RPS6KA2: variants seen among roughly 807,000 people sequenced by gnomAD.
RPS6KA2 encodes ribosomal protein S6 kinase A2.
In RPS6KA2, 42 loss-of-function variants were observed where a neutral mutation model predicts 91.8. That is an observed-to-expected ratio of 0.46 (90% confidence interval 0.36 to 0.59). The LOEUF (loss-of-function observed/expected upper bound fraction) is 0.59, where lower values mean the gene tolerates loss of function less well. Ranked by LOEUF, RPS6KA2 falls within the 20% of genes least tolerant of loss-of-function variation. The probability of loss-of-function intolerance (pLI) is 0.00; values close to 1 mark genes in which losing one functional copy is unlikely to be tolerated. For missense variants in RPS6KA2, 798 were observed against 978.5 expected (o/e 0.82, Z 2.46); for synonymous variants, 414 against 393.6 (o/e 1.05, Z -0.61).
At chr6:166,636,413 G>A (rs1787243611) in intron 2 of RPS6KA2, among the ~76,000 whole-genome samples, 1 of 152,094 alleles carries the variant, frequency 6.6e-6, no homozygotes, top group Non-Finnish European at 1.5e-5. Context: ...GGCCTTTCTG[G>A]ATAGCCTATC....
intron 1 of RPS6KA2, among the ~76,000 whole-genome samples, chr6:166,561,183 A>G (rs1192080424): frequency 6.6e-6 from 1 of 152,008 alleles, no homozygotes; most frequent in African/African-American, 2.4e-5. Context: ...GGAGCCCTAC[A>G]CACCTCATTC....
intron 2 of RPS6KA2, among the ~76,000 whole-genome samples, chr6:166,538,069 C>T (rs919476790): frequency 5.9e-5 from 9 of 152,234 alleles, no homozygotes; most frequent in Non-Finnish European, 8.8e-5. Context: ...AATTCCACTG[C>T]ACAAATACAT....
chr6:166,557,513 T>C lies in RPS6KA2; in HGVS notation c.100-18729A>G, dbSNP rs536897285. Among the ~76,000 whole-genome samples the C allele has an allele frequency of 4.2e-4, 64 of 152,360 alleles. No homozygotes were observed. The highest frequency in any genetic ancestry group is 6.3e-4 in the Non-Finnish European group (43 of 68,036). On this transcript the variant is annotated intron_variant, in intron 1 of 20. Coordinates refer to ENST00000265678, the MANE Select transcript of RPS6KA2 (RefSeq NM_021135.6). The surrounding 1 kb of genome is among the most constrained non-coding windows in gnomAD (Gnocchi z 4.8). ...ATTATGCTAATATCTTCCCTTCCCA[T>C]AATCCTAATTGAGTGATATGGTCTG...
chr6:166,681,985 G>A (rs1343662487), intron 2 of RPS6KA2, among the ~76,000 whole-genome samples: 3 of 152,110 alleles, frequency 2.0e-5, no homozygotes, highest in Non-Finnish European at 4.4e-5. Context: ...TAAGTCTTCT[G>A]ATGCCCAGCA....
At chr6:166,546,526 A>C (rs1367118004) in intron 1 of RPS6KA2, among the ~76,000 whole-genome samples, 5 of 151,476 alleles carry the variant, frequency 3.3e-5, no homozygotes, top group Non-Finnish European at 1.5e-5. Flanking sequence ...ATGAAACTGC[A>C]CTAAGAGATG....
At chr6:166,450,077 T>C (rs28491147) in intron 13 of RPS6KA2, among the ~76,000 whole-genome samples, 99,091 of 144,424 alleles carry the variant, frequency 0.69, 34,750 homozygotes, top group African/African-American at 0.91. Context: ...GAGACCATCA[T>C]GGGTACCACC....
chr6:166,503,233 A>C (rs1343747957), intron 6 of RPS6KA2, among the ~76,000 whole-genome samples: 1 of 152,220 alleles, frequency 6.6e-6, no homozygotes, highest in African/African-American at 2.4e-5. Flanking sequence ...ACACGTATTC[A>C]ACTCACATGT....
intron 2 of RPS6KA2, among the ~76,000 whole-genome samples, chr6:166,708,841 T>C (rs933568791): frequency 6.6e-6 from 1 of 152,220 alleles, no homozygotes; most frequent in African/African-American, 2.4e-5. Context: ...TGAACTGAAG[T>C]CTCCACCATT....
chr6:166,530,477 G>A (rs1039421082), intron 3 of RPS6KA2, among the ~76,000 whole-genome samples: 32 of 152,340 alleles, frequency 2.1e-4, no homozygotes, highest in East Asian at 9.7e-4. Flanking sequence ...CCCCCGTGAC[G>A]CCCTGTGTGG....
At chr6:166,793,859 C>T (rs75968363) in intron 2 of RPS6KA2, among the ~76,000 whole-genome samples, 119,646 of 151,026 alleles carry the variant, frequency 0.79, 47,716 homozygotes, top group East Asian at 0.98. Context: ...TAATTCAAGA[C>T]GGATTAAAGA....
chr6:166,548,525 C>A (rs1201737920), intron 1 of RPS6KA2, among the ~76,000 whole-genome samples: 1 of 152,046 alleles, frequency 6.6e-6, no homozygotes, highest in Admixed American at 6.6e-5. Context: ...AATAGAGGAC[C>A]CAGGAATAGA....
rs1304213893 is a variant in RPS6KA2 at position 166,494,737 on chromosome 6, G to T, written c.747+3771C>A. 6.6e-6 allele frequency among the ~76,000 whole-genome samples: 1 copy of T among 152,160 alleles called. No homozygotes were observed. Among genetic ancestry groups the T allele is most frequent in the Non-Finnish European group, 1.5e-5 (1 of 68,026 alleles). On this transcript the variant is annotated intron_variant, in intron 8 of 20. Coordinates refer to ENST00000265678, the MANE Select transcript of RPS6KA2 (RefSeq NM_021135.6). The surrounding 1 kb of genome is among the most constrained non-coding windows in gnomAD (Gnocchi z 5.1). ...CTGGCACAGGCATCCTTCCTTCCAG[G>T]TCTGGGGAGGGCACTTGTGGATGCT... is the stretch of plus-strand genomic sequence containing the variant.
chr6:166,648,864 T>C lies in RPS6KA2; in HGVS notation c.124-110080A>G, dbSNP rs1176103346. ...ATTCTGTCTCTCCTCACCCCCCTTATGCATTTCACCCATCACCAAGGCCCA... is the reference window on the plus strand; with the variant it reads ...ATTCTGTCTCTCCTCACCCCCCTTACGCATTTCACCCATCACCAAGGCCCA... On this transcript the variant is annotated intron_variant, in intron 2 of 21. Transcript: ENST00000503859. The surrounding 1 kb of genome is among the most constrained non-coding windows in gnomAD (Gnocchi z 4.8). Among the ~76,000 whole-genome samples, 1 of 152,122 alleles carries C rather than the reference T, an allele frequency of 6.6e-6. No individual in the cohort carries two copies. The highest frequency in any genetic ancestry group is 1.5e-5 in the Non-Finnish European group (1 of 68,010).
Position 166,413,912 on chromosome 6 carries a change from A to T in RPS6KA2, c.1958T>A (p.Leu653His). ...CAGGCGCTGATGAGGGTCCACGTGG[A>T]GCATCTTGGACACGACGTCCTGCCA... The part of the protein sequence containing the change: ...DAAKDVVSKM[L>H]HVDPHQRLTA... The change falls in exon 20 of 21, where the codon CTC (leucine) becomes CAC (histidine). Residue 653 changes from leucine to histidine, a missense_variant. Transcript: ENST00000265678. 1 of 1,614,024 alleles carries T rather than the reference A, an allele frequency of 6.2e-7. No individual in the cohort carries two copies. The highest frequency in any genetic ancestry group is 8.5e-7 in the Non-Finnish European group (1 of 1,180,004).
At chr6:166,768,658 A>G (rs1460849054) in intron 2 of RPS6KA2, among the ~76,000 whole-genome samples, 1 of 152,156 alleles carries the variant, frequency 6.6e-6, no homozygotes, top group Non-Finnish European at 1.5e-5. Context: ...CAAAACCAGA[A>G]TGATCAGCAG....
At chr6:166,787,401 T>C (rs1356046984) in intron 2 of RPS6KA2, among the ~76,000 whole-genome samples, 1 of 152,134 alleles carries the variant, frequency 6.6e-6, no homozygotes, top group African/African-American at 2.4e-5. Context: ...TTATGAATTA[T>C]ATAAACTGTG....
chr6:166,539,729 C>A (rs536358707), intron 1 of RPS6KA2, among the ~76,000 whole-genome samples: 1 of 152,308 alleles, frequency 6.6e-6, no homozygotes, highest in South Asian at 2.1e-4. Context: ...CACATGACTT[C>A]CCTTGTAAAG....
In RPS6KA2 at chr6:166,714,786, G is replaced by A. The variant is rs1050235583; in HGVS notation, c.123+143414C>T. ...CAGCCTCTGGATGGGAGAGAACAGAGTCCCTTGCTTGGCCACACAGTTTGT... is the reference window on the plus strand; with the variant it reads ...CAGCCTCTGGATGGGAGAGAACAGAATCCCTTGCTTGGCCACACAGTTTGT... On this transcript the variant is annotated intron_variant, in intron 2 of 21. Coordinates refer to the RPS6KA2 transcript ENST00000503859. 1.9e-4 allele frequency among the ~76,000 whole-genome samples: 29 copies of A among 152,236 alleles called. 1 individual carries two copies. The highest frequency in any genetic ancestry group is 5.5e-4 in the African/African-American group (23 of 41,452).
At chr6:166,552,567 T>TA (rs1268963700) in intron 1 of RPS6KA2, among the ~76,000 whole-genome samples, 1 of 152,154 alleles carries the variant, frequency 6.6e-6, no homozygotes, top group Non-Finnish European at 1.5e-5. Flanking sequence ...TGAGGTTTGG[T>TA]AAAATGCCTT....
Sources: gnomAD v4.1 joint callset for allele counts (sites outside exome capture counted in the v4.1 genomes callset) on GRCh38, gnomAD v4.1.1 for gene constraint, Gnocchi (gnomAD v3.1) non-coding constraint, MANE v1.5 for transcripts, NCBI Gene and HGNC (gene_info 2026-07-23, HGNC 2026-07-21) for gene names.